ILRUN: variants seen among roughly 807,000 people sequenced by gnomAD.
ILRUN encodes protein ILRUN.
In ILRUN, 3 loss-of-function variants were observed where a neutral mutation model predicts 33.8. The observed-to-expected ratio is 0.09, with a 90% CI of 0.04 to 0.23. ILRUN has a LOEUF of 0.23. Ranked by LOEUF, ILRUN falls within the 10% of genes least tolerant of loss-of-function variation. ILRUN has a pLI of 1.00. For synonymous variants in ILRUN, 124 were observed against 138.9 expected (o/e 0.89, Z 0.75); for missense variants, 210 against 375.1 (o/e 0.56, Z 3.64).
At chr6:34,688,487 T>C (rs544755912) in intron 1 of ILRUN, among the ~76,000 whole-genome samples, 9 of 148,764 alleles carry the variant, frequency 6.0e-5, no homozygotes, top group Non-Finnish European at 1.2e-4. Context: ...AAAGATGCCA[T>C]GGCAAGAAAC....
At chr6:34,683,185 T>C (rs1420344467) in intron 1 of ILRUN, among the ~76,000 whole-genome samples, 1 of 151,390 alleles carries the variant, frequency 6.6e-6, no homozygotes, top group Non-Finnish European at 1.5e-5. Flanking sequence ...TGTATATATG[T>C]GTATGTGTAT....
intron 1 of ILRUN, among the ~76,000 whole-genome samples, chr6:34,690,910 G>C (rs1302855520): frequency 6.6e-6 from 1 of 152,156 alleles, no homozygotes. Context: ...AAATCTACAG[G>C]AAAAGTTGGA....
At chr6:34,664,169 G>A (rs1047590809) in intron 1 of ILRUN, among the ~76,000 whole-genome samples, 4 of 152,168 alleles carry the variant, frequency 2.6e-5, no homozygotes, top group African/African-American at 9.7e-5. Context: ...TTATAAATGT[G>A]TGCGTTTTTA....
intron 1 of ILRUN, among the ~76,000 whole-genome samples, chr6:34,677,376 A>C (rs1049260831): frequency 1.1e-4 from 17 of 152,186 alleles, no homozygotes; most frequent in African/African-American, 4.1e-4. Flanking sequence ...AATAGTGAAA[A>C]AAACAATAAA....
At chr6:34,652,978 CA>C (rs922958979) in intron 2 of ILRUN, among the ~76,000 whole-genome samples, 4 of 151,660 alleles carry the variant, frequency 2.6e-5, no homozygotes, top group Non-Finnish European at 5.9e-5. Flanking sequence ...CCTATTTCTA[CA>C]AAAACTTTAA....
At chr6:34,598,774 G>A (rs999560612) in intron 4 of ILRUN, among the ~76,000 whole-genome samples, 1 of 152,212 alleles carries the variant, frequency 6.6e-6, no homozygotes, top group African/African-American at 2.4e-5. Context: ...AAGGCCCATA[G>A]TTATGTTTGC....
In ILRUN at chr6:34,587,770, G is replaced by GA; in HGVS notation, c.*2794dup. The GA allele has an allele frequency of 3.3e-6, 1 of 307,254 alleles. No individual in the cohort carries two copies. Among genetic ancestry groups the GA allele is most frequent in the Non-Finnish European group, 6.0e-6 (1 of 167,678 alleles). The allele number at this position is 307,254 out of a possible 1,614,324, so 19.0% of individuals were successfully genotyped here. ...AATTCAACTGTCCTCACGGCAAAAA[G>GA]AAAAAAAGCATGCACACGTGCACAT... On this transcript the variant is annotated 3_prime_UTR_variant, in exon 5 of 5. Transcript: ENST00000374023.
At chr6:34,610,156 G>A (rs1259434632) in intron 3 of ILRUN, among the ~76,000 whole-genome samples, 14 of 148,194 alleles carry the variant, frequency 9.4e-5, no homozygotes, top group East Asian at 2.0e-4. Flanking sequence ...GCAAGACTCC[G>A]TCTCAAAAAA....
At chr6:34,677,136 G>C (rs964492126) in intron 1 of ILRUN, among the ~76,000 whole-genome samples, 1 of 151,946 alleles carries the variant, frequency 6.6e-6, no homozygotes, top group South Asian at 2.1e-4. Context: ...GCAAAACCTC[G>C]TCTTTACTAA....
rs949048689 is a variant in ILRUN, at chr6:34,696,315, C to T, written c.158+131G>A. 22 of 982,990 alleles carry T rather than the reference C, an allele frequency of 2.2e-5. No homozygotes were observed. In the South Asian group the frequency reaches 3.2e-4, roughly 14 times the overall value. 60.9% of individuals were successfully genotyped at this position (982,990 alleles called of 1,614,324 possible). On this transcript the variant is annotated intron_variant, in intron 1 of 4. Transcript: ENST00000374023. ...TGCCCACGGGGCTCCCCGACTCGTC[C>T]TCCCCGTCCCGGGAAGGGGTGGCCC...
rs191617255 is a variant in ILRUN, at chr6:34,600,336, A to T, written c.861+6219T>A. Among the ~76,000 whole-genome samples, 61 of 152,270 alleles carry T rather than the reference A, an allele frequency of 4.0e-4. 1 individual carries two copies. The East Asian group carries it at 0.011, about 28-fold the overall frequency. On this transcript the variant is annotated intron_variant, in intron 4 of 4. Transcript: ENST00000374023. ...GTTATCCCTTGAACACAACAGGCAA[A>T]CTTCCACTTCAGGGCTTGTACTGGT...
At chr6:34,661,685 A>G (rs1762888995) in intron 1 of ILRUN, among the ~76,000 whole-genome samples, 1 of 152,244 alleles carries the variant, frequency 6.6e-6, no homozygotes, top group African/African-American at 2.4e-5. Context: ...GGTTCTGTGT[A>G]ACATAAAAAT....
chr6:34,689,792 T>C (rs1763610176), intron 1 of ILRUN, among the ~76,000 whole-genome samples: 1 of 151,496 alleles, frequency 6.6e-6, no homozygotes, highest in African/African-American at 2.4e-5. Context: ...TTTCTGACAA[T>C]GTTGAGAAAA....
chr6:34,680,270 T>C (rs2127383491), intron 1 of ILRUN, among the ~76,000 whole-genome samples: 1 of 152,318 alleles, frequency 6.6e-6, no homozygotes, highest in East Asian at 1.9e-4. Flanking sequence ...AAACAGTATC[T>C]AGAATATAGT....
In ILRUN at chr6:34,662,124, C is replaced by CAAA. The variant is rs57423564; in HGVS notation, c.159-7348_159-7346dup. Among the ~76,000 whole-genome samples the CAAA allele has an allele frequency of 3.8e-3, 150 of 39,964 alleles. 4 individuals carry two copies. Among genetic ancestry groups the CAAA allele is most frequent in the Non-Finnish European group, 6.3e-3 (113 of 18,014 alleles). The allele number at this position is 39,964 out of a possible 152,430, so 26.2% of individuals were successfully genotyped here. On this transcript the variant is annotated intron_variant, in intron 1 of 4. Coordinates refer to ENST00000374023, the MANE Select transcript of ILRUN (RefSeq NM_024294.4). ...TGGGCGACAGAGCGAGACTCCGTCT[C>CAAA]AAAAAAAAAAAAAAAAAAAAAAAAA...
intron 3 of ILRUN, among the ~76,000 whole-genome samples, chr6:34,636,838 A>T (rs1762375609): frequency 6.6e-6 from 1 of 152,196 alleles, no homozygotes; most frequent in African/African-American, 2.4e-5. Context: ...AAGTGCACAC[A>T]ATGGCACTTA....
chr6:34,624,451 G>A (rs528229709), intron 3 of ILRUN, among the ~76,000 whole-genome samples: 1 of 152,034 alleles, frequency 6.6e-6, no homozygotes, highest in South Asian at 2.1e-4. Context: ...AGCCTCCCAA[G>A]TAGCTGGGAT....
At position 34,657,792 on chromosome 6, in the gene ILRUN, TA is replaced by T. The variant is rs554855031; in HGVS notation, c.159-3014del. 2.0e-3 allele frequency among the ~76,000 whole-genome samples: 301 copies of T among 152,178 alleles called. 1 individual carries two copies. Among genetic ancestry groups the T allele is most frequent in the African/African-American group, 6.9e-3 (286 of 41,502 alleles). On this transcript the variant is annotated intron_variant, in intron 1 of 4. Coordinates refer to ENST00000374023, the MANE Select transcript of ILRUN (RefSeq NM_024294.4). ...ACAGCTCCAATTCAGTGTCAGAAAG[TA>T]GACATGATAGCAGGTATTCCTGTTC...
chr6:34,675,938 A>G (rs1324927958), intron 1 of ILRUN, among the ~76,000 whole-genome samples: 1 of 152,232 alleles, frequency 6.6e-6, no homozygotes, highest in Non-Finnish European at 1.5e-5. Flanking sequence ...AAAGATACAG[A>G]TAACTCTTCA....
Sources: allele counts gnomAD v4.1 joint callset (sites outside exome capture counted in the v4.1 genomes callset), GRCh38; gene constraint gnomAD v4.1.1; transcripts MANE v1.5; gene names NCBI Gene and HGNC (gene_info 2026-07-23, HGNC 2026-07-21).